The following NUP54 variants were observed in gnomAD, a reference collection of about 807,000 sequenced individuals.
The protein encoded by NUP54 is nucleoporin 54, also known as nucleoporin p54.
NUP54 carries 27 observed loss-of-function variants against 66.4 expected under a neutral mutation model. The observed-to-expected ratio is 0.41, with a 90% CI of 0.30 to 0.56. The LOEUF is 0.56. Among genes scored for constraint, NUP54 ranks in the 20% least tolerant of loss-of-function variants. NUP54 has a pLI of 0.34. For synonymous variants in NUP54, 206 were observed against 210.7 expected, an observed-to-expected ratio of 0.98 and a Z score of 0.19; for missense variants, 486 against 596.3, an observed-to-expected ratio of 0.82 and a Z score of 1.93.
At chr4:76,120,031 G>A (rs796221098) in intron 9 of NUP54, among the ~76,000 whole-genome samples, 1 of 152,018 alleles carries the variant, frequency 6.6e-6, no homozygotes, top group South Asian at 2.1e-4. Context: ...TTTAATGGCT[G>A]TATGCTTTTT....
intron 3 of NUP54, among the ~76,000 whole-genome samples, chr4:76,137,779 G>T (rs1672013702): frequency 6.6e-6 from 1 of 152,060 alleles, no homozygotes; most frequent in Admixed American, 6.6e-5. Flanking sequence ...AGAGCTTAAG[G>T]CAAAGTTATC....
Position 76,132,725 on chromosome 4 carries a change from G to A in NUP54, c.711-6C>T. 1 of 1,600,250 alleles carries A rather than the reference G, an allele frequency of 6.2e-7. No homozygotes were observed. Among genetic ancestry groups the A allele is most frequent in the South Asian group, 1.1e-5 (1 of 88,988 alleles). On this transcript the variant is annotated splice_polypyrimidine_tract_variant and splice_region_variant and intron_variant, in intron 5 of 11. Transcript: ENST00000264883. ...CATAAATAACAACTTCTGTCCTGAA[G>A]GAAGAATAACCAATTTATAAAATAT...
At chr4:76,147,395 T>C in intron 1 of NUP54, 1 of 895,142 alleles carries the variant, frequency 1.1e-6, no homozygotes, top group Non-Finnish European at 1.5e-6. Context: ...GACAAGTAAC[T>C]GTTCTTTCCC....
At chr4:76,145,045 G>A (rs1423742130) in intron 1 of NUP54, among the ~76,000 whole-genome samples, 2 of 152,080 alleles carry the variant, frequency 1.3e-5, no homozygotes, top group African/African-American at 4.8e-5. Flanking sequence ...TTGGCTGGGC[G>A]CGGTGGCTCA....
intron 6 of NUP54, among the ~76,000 whole-genome samples, chr4:76,131,975 G>A (rs7667810): frequency 0.13 from 19,970 of 152,018 alleles, 1,540 homozygotes; most frequent in East Asian, 0.35. Context: ...AAGTGCTAAG[G>A]AATACTGTAA....
chr4:76,121,577 G>A (rs532112629), intron 9 of NUP54, among the ~76,000 whole-genome samples: 5 of 152,234 alleles, frequency 3.3e-5, no homozygotes, highest in Middle Eastern at 3.4e-3. Context: ...TGCTTCTCCT[G>A]CCTCAGCCTT....
Position 76,148,353 on chromosome 4 carries a change from G to A in NUP54, c.22C>T (p.Pro8Ser), listed in dbSNP as rs774252852. ...GCAGCGGTACCGGAGGTGCCCGAGG[G>A]AGCCCCAAAATTGAAGGCCATGTCG... MAFNFGA[P>S]SGTSGTAAAT... Residue 8 changes from proline to serine, a missense_variant, in exon 1 of 12, where the codon CCC becomes TCC. Physicochemically the swap from Pro to Ser is moderately conservative, Grantham distance 74. Around this residue, in one of 4 missense-constraint regions of NUP54, gnomAD observed 145 missense variants for 137.1 expected, o/e 1.06. Transcript: ENST00000264883. 7 of 1,549,982 alleles carry A rather than the reference G, an allele frequency of 4.5e-6. No individual in the cohort carries two copies. Among genetic ancestry groups the A allele is most frequent in the South Asian group, 1.2e-5 (1 of 81,988 alleles).
chr4:76,129,978 T>G (rs1424312360), intron 8 of NUP54, among the ~76,000 whole-genome samples: 8 of 50,146 alleles, frequency 1.6e-4, no homozygotes, highest in African/African-American at 2.5e-4. Flanking sequence ...TTTTTTTTTT[T>G]TTTTTTTTTT....
At chr4:76,130,620 C>T in intron 8 of NUP54, 36 bp downstream of exon 8, 1 of 1,368,372 alleles carries the variant, frequency 7.3e-7, no homozygotes, top group Non-Finnish European at 1.0e-6. Flanking sequence ...CCTTTCCCTA[C>T]TTCCAGGGCC....
intron 1 of NUP54, among the ~76,000 whole-genome samples, chr4:76,145,340 T>A (rs959796615): frequency 1.6e-4 from 23 of 145,296 alleles, no homozygotes; most frequent in Non-Finnish European, 2.6e-4. Context: ...AAAAAAAAAA[T>A]TTATTGGTTT....
chr4:76,117,515 G>A (rs1730002290), intron 11 of NUP54, 149 bp downstream of exon 11: 3 of 570,902 alleles, frequency 5.3e-6, no homozygotes, highest in Non-Finnish European at 9.3e-6. Context: ...CATAGAGGCT[G>A]AACCATTTTA....
Position 76,132,504 on chromosome 4 carries a change from T to G in NUP54, c.907+19A>C. 1 of 1,539,964 alleles carries G rather than the reference T, an allele frequency of 6.5e-7. No homozygotes were observed. Among genetic ancestry groups the G allele is most frequent in the Non-Finnish European group, 8.8e-7 (1 of 1,142,030 alleles). ...TAAATCTTTCTTTTTTTTTGAACTC[T>G]GTGATTCTAGAAACATACCAGCAGG... On this transcript the variant is annotated intron_variant, in intron 6 of 11. Coordinates refer to ENST00000264883, the MANE Select transcript of NUP54 (RefSeq NM_017426.4).
chr4:76,124,530 T>C (rs1730373146), intron 9 of NUP54, 119 bp downstream of exon 9: 5 of 444,698 alleles, frequency 1.1e-5, no homozygotes, highest in Admixed American at 4.2e-5. Context: ...TCGGTACTTG[T>C]AATTTCACAT....
intron 5 of NUP54, among the ~76,000 whole-genome samples, chr4:76,133,452 C>T (rs947473388): frequency 2.6e-5 from 4 of 151,908 alleles, no homozygotes; most frequent in Non-Finnish European, 5.9e-5. Context: ...ACTACAGGCA[C>T]CTGCCACCAC....
At chr4:76,125,334 A>ACGCGCGCGCGCG (rs1367192536) in intron 8 of NUP54, among the ~76,000 whole-genome samples, 2 of 145,444 alleles carry the variant, frequency 1.4e-5, no homozygotes, top group Admixed American at 6.9e-5. Flanking sequence ...ACACACACAC[A>ACGCGCGCGCGCG]CACACACACA....
In NUP54 at chr4:76,114,759, T is replaced by C. The variant is rs1254961256; in HGVS notation, c.*607A>G. The C allele has an allele frequency of 9.7e-6, 1 of 103,020 alleles. No homozygotes were observed. The highest frequency in any genetic ancestry group is 3.3e-5 in the African/African-American group (1 of 30,674). The allele number at this position is 103,020 out of a possible 1,614,324, so 6.4% of individuals were successfully genotyped here. A position where few individuals can be genotyped will look rare whatever the true frequency, so the allele number is the denominator to read the frequency against. ...CAAAATGGTTGCAAAAATGGTTAAG[T>C]AGTTTTGTTATATCCTAATTGCTTA... is the stretch of plus-strand genomic sequence containing the variant. On this transcript the variant is annotated 3_prime_UTR_variant, in exon 12 of 12. Transcript: ENST00000264883.
chr4:76,121,237 T>C (rs996894793), intron 9 of NUP54, among the ~76,000 whole-genome samples: 8 of 152,216 alleles, frequency 5.3e-5, no homozygotes, highest in African/African-American at 1.7e-4. Context: ...TTCTCATATA[T>C]TAAATTTTCA....
At chr4:76,139,611 A>C (rs1393646824) in intron 3 of NUP54, among the ~76,000 whole-genome samples, 3 of 152,188 alleles carry the variant, frequency 2.0e-5, no homozygotes, top group East Asian at 3.8e-4. Flanking sequence ...AAACAAACCA[A>C]ATAAGAAAAC....
At chr4:76,128,190 C>A (rs1450651197) in intron 8 of NUP54, among the ~76,000 whole-genome samples, 1 of 151,996 alleles carries the variant, frequency 6.6e-6, no homozygotes, top group Non-Finnish European at 1.5e-5. Flanking sequence ...TTGGGTAATT[C>A]CTTGTTGTGG....
Sources: gnomAD v4.1 joint callset for allele counts (sites outside exome capture counted in the v4.1 genomes callset) on GRCh38, gnomAD v4.1.1 for gene constraint, gnomAD v4.1.1 regional missense constraint, MANE v1.5 for transcripts, NCBI Gene and HGNC (gene_info 2026-07-23, HGNC 2026-07-21) for gene names.